The following R3HDML variants were observed in gnomAD, a reference collection of about 807,000 sequenced individuals.
R3HDML encodes the protein R3H domain containing like.
A neutral mutation model predicts 24.2 loss-of-function variants in R3HDML; 21 were observed. The observed-to-expected ratio is 0.87, with a 90% confidence interval of 0.62 to 1.25. The LOEUF is 1.25. Among genes scored for constraint, R3HDML ranks in the 50% most tolerant of loss-of-function variants. The probability of loss-of-function intolerance (pLI) is 0.00; values close to 1 mark genes in which losing one functional copy is unlikely to be tolerated. For missense variants in R3HDML, 301 were observed against 340.3 expected, an observed-to-expected ratio of 0.88 and a Z score of 0.91; for synonymous variants, 133 against 131.5, an observed-to-expected ratio of 1.01 and a Z score of -0.08.
At chr20:44,344,173 C>G (rs140097268) in intron 3 of R3HDML, among the ~76,000 whole-genome samples, 15,333 of 151,822 alleles carry the variant, frequency 0.1, 960 homozygotes, top group Middle Eastern at 0.17. Context: ...CTCAGCTACT[C>G]GGGAGGCTGA....
At chr20:44,348,385 T>C (rs957981648) in intron 4 of R3HDML, among the ~76,000 whole-genome samples, 3 of 152,102 alleles carry the variant, frequency 2.0e-5, no homozygotes, top group African/African-American at 7.3e-5. Context: ...TCATTTTATC[T>C]TGACAGGCTT....
At chr20:44,345,454 C>G (rs1430385921) in intron 4 of R3HDML, 76 bp downstream of exon 4, 1 of 972,728 alleles carries the variant, frequency 1.0e-6, no homozygotes, top group East Asian at 2.4e-5. Flanking sequence ...AAGATACGCT[C>G]CATATCCCTT....
chr20:44,341,133 T>C, intron 1 of R3HDML, 63 bp from the exon 2 acceptor site: 6 of 1,380,432 alleles, frequency 4.3e-6, no homozygotes, highest in Non-Finnish European at 5.1e-6. Flanking sequence ...TGTGCATCTC[T>C]GGACACAGTT....
chr20:44,337,359 G>A lies in R3HDML; in HGVS notation c.202G>A (p.Asp68Asn), dbSNP rs36117710. 5.4e-3 allele frequency: 8,783 copies of A among 1,614,180 alleles called. 30 individuals are homozygous for A. The highest frequency in any genetic ancestry group is 6.4e-3 in the Non-Finnish European group (7,596 of 1,180,032). ...ISVRDMNALL[D>N]YHNHIRASVY... ...TGTGAGAGACATGAATGCCTTACTG[G>A]ATTATCACAACCACATCCGGGCCAG... The change falls in exon 1 of 5, where the codon GAT becomes AAT. Residue 68 changes from aspartate to asparagine, a missense_variant. Physicochemically the swap from Asp to Asn is conservative, Grantham distance 23. Transcript: ENST00000217043. This position sits in a 1 kb window ranked among gnomAD's most constrained non-coding sequence, Gnocchi z 4.7.
Position 44,345,366 on chromosome 20 carries a change from A to T in R3HDML, c.617A>T (p.Asn206Ile). Residue 206 changes from asparagine (N) to isoleucine (I), a missense_variant, in exon 4 of 5, where the codon AAC becomes ATC. Coordinates refer to ENST00000217043, the MANE Select transcript of R3HDML (RefSeq NM_178491.4). ...TWHRAAYLVC[N>I]YAIKGNWIGE... Reference sequence around the variant, plus strand: ...CATCGGGCGGCATACCTGGTCTGCAACTATGCCATTAAGTAAGTGCCTGCA... The same window carrying T: ...CATCGGGCGGCATACCTGGTCTGCATCTATGCCATTAAGTAAGTGCCTGCA... 6.2e-7 allele frequency: 1 copy of T among 1,613,118 alleles called. No homozygotes were observed. The highest frequency in any genetic ancestry group is 8.5e-7 in the Non-Finnish European group (1 of 1,179,382).
At chr20:44,344,483 T>A (rs2062780741) in intron 3 of R3HDML, among the ~76,000 whole-genome samples, 1 of 151,016 alleles carries the variant, frequency 6.6e-6, no homozygotes, top group African/African-American at 2.4e-5. Flanking sequence ...TAGAAAAGTA[T>A]AGAAAATATA....
chr20:44,343,609 C>G, intron 3 of R3HDML, 100 bp downstream of exon 3: 1 of 1,225,728 alleles, frequency 8.2e-7, no homozygotes, highest in Non-Finnish European at 1.1e-6. Flanking sequence ...AAACAAAGAC[C>G]GTTATGAGCT....
chr20:44,349,534 A>G (rs1376198254), intron 4 of R3HDML, among the ~76,000 whole-genome samples: 1 of 152,198 alleles, frequency 6.6e-6, no homozygotes, highest in African/African-American at 2.4e-5. Context: ...AAATGATTGA[A>G]TGAGTCCTGT....
chr20:44,347,954 A>ATTTTTTTTTT (rs35413702), intron 4 of R3HDML: 1 of 105,428 alleles, frequency 9.5e-6, no homozygotes. Flanking sequence ...ATAGCGTCTA[A>ATTTTTTTTTT]TTTTTTTTTT....
At chr20:44,348,463 C>G (rs1741308115) in intron 4 of R3HDML, among the ~76,000 whole-genome samples, 3 of 134,728 alleles carry the variant, frequency 2.2e-5, no homozygotes, top group Middle Eastern at 3.7e-3. Context: ...TCCCTTTTCC[C>G]CTTTCTCCTT....
At chr20:44,347,548 C>T (rs1200827470) in intron 4 of R3HDML, 1 of 152,214 alleles carries the variant, frequency 6.6e-6, no homozygotes, top group East Asian at 1.9e-4. Context: ...ATATAATAAC[C>T]ACATTTTACT....
chr20:44,344,535 A>T (rs1023754337), intron 3 of R3HDML, among the ~76,000 whole-genome samples: 2 of 152,186 alleles, frequency 1.3e-5, no homozygotes, highest in African/African-American at 4.8e-5. Flanking sequence ...TAATCGTAGC[A>T]CTTTGGGAAG....
chr20:44,345,530 A>T (rs571692641), intron 4 of R3HDML, 152 bp downstream of exon 4: 18 of 601,464 alleles, frequency 3.0e-5, no homozygotes, highest in Non-Finnish European at 5.1e-5. Context: ...AAGGCCGAGC[A>T]TGGTGGCTCA....
In R3HDML at chr20:44,339,062, TA is replaced by T. The variant is rs750054379; in HGVS notation, c.261+1666del. 6.1e-3 allele frequency among the ~76,000 whole-genome samples: 685 copies of T among 111,540 alleles called. 4 individuals are homozygous for T. Among genetic ancestry groups the T allele is most frequent in the Admixed American group, 0.011 (113 of 10,310 alleles). The allele number at this position is 111,540 out of a possible 152,430, so 73.2% of individuals were successfully genotyped here. The stretch of plus-strand genomic sequence containing the variant: ...TGGATGACAAGAGTGAAACTCTATC[TA>T]AAAAAAAAAAAAAAAAAAAAATATT... On this transcript the variant is annotated intron_variant, in intron 1 of 4. Transcript: ENST00000217043.
At chr20:44,338,621 T>C (rs1179651447) in intron 1 of R3HDML, among the ~76,000 whole-genome samples, 1 of 152,132 alleles carries the variant, frequency 6.6e-6, no homozygotes, top group African/African-American at 2.4e-5. Context: ...CCAACAGGTG[T>C]TTAATGATTG....
Position 44,337,164 on chromosome 20 carries a change from C to G in R3HDML, c.7C>G (p.Leu3Val). Reference sequence around the variant, plus strand: ...GTGACTCCTCCATCCAGCTATGCCCCTGCTGCCCAGCACCGTGGGCCTGGC... The same window carrying G: ...GTGACTCCTCCATCCAGCTATGCCCGTGCTGCCCAGCACCGTGGGCCTGGC... MPLLPSTVGLAGL... is the reference protein window; with the variant it reads MPVLPSTVGLAGL... The change falls in exon 1 of 5, where the codon CTG (leucine) becomes GTG (valine). Residue 3 changes from leucine to valine, a missense_variant. Transcript: ENST00000217043. This position sits in a 1 kb window ranked among gnomAD's most constrained non-coding sequence, Gnocchi z 4.7. 6.2e-7 allele frequency: 1 copy of G among 1,612,710 alleles called. No individual in the cohort carries two copies. Among genetic ancestry groups the G allele is most frequent in the Middle Eastern group, 1.7e-4 (1 of 6,056 alleles).
At position 44,349,213 on chromosome 20, in the gene R3HDML, A is replaced by G. The variant is rs923912384; in HGVS notation, c.630-1447A>G. ...AAATAGCCTCTGTGGTGCCTTGCCC[A>G]TAGTACATGCTAAATAAATGGTGGC... On this transcript the variant is annotated intron_variant, in intron 4 of 4. Transcript: ENST00000217043. 3.3e-5 allele frequency among the ~76,000 whole-genome samples: 5 copies of G among 152,184 alleles called. No individual in the cohort carries two copies. The South Asian group carries it at 6.2e-4, about 19-fold the overall frequency.
chr20:44,347,860 A>C (rs927624200), intron 4 of R3HDML: 1 of 152,218 alleles, frequency 6.6e-6, no homozygotes, highest in Non-Finnish European at 1.5e-5. Context: ...TATTTGTTAG[A>C]AATGGCATCT....
intron 4 of R3HDML, among the ~76,000 whole-genome samples, chr20:44,350,436 G>A (rs1172061649): frequency 6.6e-6 from 1 of 152,056 alleles, no homozygotes; most frequent in East Asian, 1.9e-4. Flanking sequence ...TGGGAGGATT[G>A]CTTGAGCCCA....
Sources: allele counts gnomAD v4.1 joint callset (sites outside exome capture counted in the v4.1 genomes callset), GRCh38; gene constraint gnomAD v4.1.1; non-coding constraint Gnocchi (gnomAD v3.1); transcripts MANE v1.5; gene names NCBI Gene and HGNC (gene_info 2026-07-23, HGNC 2026-07-21).